DERA: variants seen among roughly 807,000 people sequenced by gnomAD.
DERA encodes 2-deoxy-D-ribose 5-phosphate aldolase.
Under a neutral mutation model 41.1 loss-of-function variants are expected in DERA, and 15 were observed. The ratio of observed to expected loss-of-function variants is 0.37; its 90% CI spans 0.24 to 0.56. The LOEUF (loss-of-function observed/expected upper bound fraction) is 0.56, where lower values mean the gene tolerates loss of function less well. Among genes scored for constraint, DERA ranks in the 20% least tolerant of loss-of-function variants. The probability of loss-of-function intolerance (pLI) is 0.81; values close to 1 mark genes in which losing one functional copy is unlikely to be tolerated. For synonymous variants in DERA, 139 were observed against 137.4 expected (o/e 1.01, Z -0.08); for missense variants, 396 against 403.4 (o/e 0.98, Z 0.16).
At chr12:15,937,447 T>A (rs764848811) in intron 1 of DERA, among the ~76,000 whole-genome samples, 8 of 152,200 alleles carry the variant, frequency 5.3e-5, no homozygotes, top group Non-Finnish European at 8.8e-5. Flanking sequence ...TATAGCCACA[T>A]CCGCCAGTAG....
rs1948926297 is a variant in DERA at position 16,008,314 on chromosome 12, T to C, written c.638-24228T>C. ...CTTTTCCTAATATTTCCTAATAGCT[T>C]TCTCAAATCTCTCCTGCCTTGGTCC... On this transcript the variant is annotated intron_variant, in intron 6 of 8. Transcript: ENST00000428559. This position sits in a 1 kb window ranked among gnomAD's most constrained non-coding sequence, Gnocchi z 4.8. Among the ~76,000 whole-genome samples, 1 of 152,224 alleles carries C rather than the reference T, an allele frequency of 6.6e-6. No homozygotes were observed. The highest frequency in any genetic ancestry group is 2.4e-5 in the African/African-American group (1 of 41,460).
chr12:15,982,552 C>A lies in DERA; in HGVS notation c.637+116C>A. 1.9e-6 allele frequency: 2 copies of A among 1,042,566 alleles called. No homozygotes were observed. The highest frequency in any genetic ancestry group is 2.7e-6 in the Non-Finnish European group (2 of 730,912). 64.6% of individuals were successfully genotyped at this position (1,042,566 alleles called of 1,614,324 possible). On this transcript the variant is annotated intron_variant, in intron 6 of 8. Coordinates refer to ENST00000428559, the MANE Select transcript of DERA (RefSeq NM_015954.4). The surrounding 1 kb of genome is among the most constrained non-coding windows in gnomAD (Gnocchi z 4.0). ...GTGCTAACCACTTGGAATTTTTTTG[C>A]GGGAGGAATCGGATATTTTGTAAAA...
At position 16,011,250 on chromosome 12, in the gene DERA, T is replaced by C. The variant is rs1223260042; in HGVS notation, c.638-21292T>C. 1.3e-5 allele frequency among the ~76,000 whole-genome samples: 2 copies of C among 152,234 alleles called. No individual in the cohort carries two copies. Among genetic ancestry groups the C allele is most frequent in the Non-Finnish European group, 2.9e-5 (2 of 68,028 alleles). On this transcript the variant is annotated intron_variant, in intron 6 of 8. Coordinates refer to ENST00000428559, the MANE Select transcript of DERA (RefSeq NM_015954.4). This position sits in a 1 kb window ranked among gnomAD's most constrained non-coding sequence, Gnocchi z 4.7. ...CTGGCTTATTTTGTTAAAATGTTTCTTCATTTTACTCATCTTTGCCAAAGC... is the reference window on the plus strand; with the variant it reads ...CTGGCTTATTTTGTTAAAATGTTTCCTCATTTTACTCATCTTTGCCAAAGC...
rs982083844 is a variant in DERA at position 15,918,734 on chromosome 12, A to G, written c.31+7320A>G. ...GGCAACTAAGGGAGATGTTTATGTA[A>G]ATCACCACATACGGCATGTTAAAAC... On this transcript the variant is annotated intron_variant, in intron 1 of 8. Coordinates refer to ENST00000428559, the MANE Select transcript of DERA (RefSeq NM_015954.4). This position sits in a 1 kb window ranked among gnomAD's most constrained non-coding sequence, Gnocchi z 4.3. 6.6e-6 allele frequency among the ~76,000 whole-genome samples: 1 copy of G among 152,118 alleles called. No homozygotes were observed. Among genetic ancestry groups the G allele is most frequent in the Non-Finnish European group, 1.5e-5 (1 of 68,022 alleles).
In DERA at chr12:15,943,563, T is replaced by G. The variant is rs10772882; in HGVS notation, c.32-13373T>G. ...TGTTGGCCATGGCTCACCATATGCA[T>G]TGTATTTTATATTGCCACACAGTAC... On this transcript the variant is annotated intron_variant, in intron 1 of 8. Coordinates refer to ENST00000428559, the MANE Select transcript of DERA (RefSeq NM_015954.4). This position sits in a 1 kb window ranked among gnomAD's most constrained non-coding sequence, Gnocchi z 4.5. Among the ~76,000 whole-genome samples the G allele has an allele frequency of 0.3, 45,257 of 151,968 alleles. 7,571 individuals carry two copies. Among genetic ancestry groups the G allele is most frequent in the African/African-American group, 0.43 (17,861 of 41,416 alleles).
intron 1 of DERA, among the ~76,000 whole-genome samples, chr12:15,942,623 G>A (rs907984399): frequency 6.6e-6 from 1 of 152,142 alleles, no homozygotes; most frequent in Non-Finnish European, 1.5e-5. Flanking sequence ...GAGTAGCCAC[G>A]AATATTCTGA....
At chr12:16,016,445 G>A (rs1183633533) in intron 6 of DERA, among the ~76,000 whole-genome samples, 2 of 152,130 alleles carry the variant, frequency 1.3e-5, no homozygotes, top group Non-Finnish European at 2.9e-5. Context: ...GTAAACACTT[G>A]AATTAAATAA....
chr12:15,977,366 G>A (rs1242128523), intron 5 of DERA, among the ~76,000 whole-genome samples: 3 of 152,172 alleles, frequency 2.0e-5, no homozygotes, highest in Non-Finnish European at 4.4e-5. Flanking sequence ...TTTATTCCAC[G>A]TATGAAGACA....
intron 5 of DERA, among the ~76,000 whole-genome samples, chr12:15,971,094 A>G (rs1479544715): frequency 6.6e-6 from 1 of 152,214 alleles, no homozygotes; most frequent in Non-Finnish European, 1.5e-5. Context: ...GGTTGTGACA[A>G]TTCTCCAGAG....
rs963861324 is a variant in DERA at position 15,940,884 on chromosome 12, AATAG to A, written c.32-16036_32-16033del. 6.6e-5 allele frequency among the ~76,000 whole-genome samples: 10 copies of A among 152,274 alleles called. No homozygotes were observed. The highest frequency in any genetic ancestry group is 1.4e-4 in the African/African-American group (6 of 41,552). ...AGGTCATCCTGGAGTCTGATATATA[AATAG>A]ATAGATAGATAGATATCTTTGGTTT... On this transcript the variant is annotated intron_variant, in intron 1 of 8. Coordinates refer to ENST00000428559, the MANE Select transcript of DERA (RefSeq NM_015954.4). This position sits in a 1 kb window ranked among gnomAD's most constrained non-coding sequence, Gnocchi z 5.1.
chr12:15,971,844 G>A, intron 5 of DERA: 2 of 280,692 alleles, frequency 7.1e-6, no homozygotes, highest in South Asian at 8.4e-5. Context: ...AGATAATTCA[G>A]GAACCATTGC....
At chr12:15,960,615 T>C (rs1284740961) in intron 4 of DERA, among the ~76,000 whole-genome samples, 5 of 110,688 alleles carry the variant, frequency 4.5e-5, no homozygotes, top group Non-Finnish European at 6.6e-5. Flanking sequence ...CCAGCTTGGG[T>C]GATAGACCAA....
At position 15,943,710 on chromosome 12, in the gene DERA, T is replaced by TTTATTTAG. The variant is rs1388617528; in HGVS notation, c.32-13219_32-13218insGTTATTTA. On this transcript the variant is annotated intron_variant, in intron 1 of 8. Transcript: ENST00000428559. The surrounding 1 kb of genome is among the most constrained non-coding windows in gnomAD (Gnocchi z 4.5). ...CTTCTTTTTTATTTTTTAATTTTTA[T>TTTATTTAG]TTATTTATTTATTTATTTATTTATT... is the stretch of plus-strand genomic sequence containing the variant. Among the ~76,000 whole-genome samples, 1 of 133,734 alleles carries TTTATTTAG rather than the reference T, an allele frequency of 7.5e-6. No individual in the cohort carries two copies. The highest frequency in any genetic ancestry group is 1.6e-5 in the Non-Finnish European group (1 of 64,014). The allele number at this position is 133,734 out of a possible 152,430, so 87.7% of individuals were successfully genotyped here.
chr12:16,006,523 T>C (rs182642536), intron 6 of DERA, among the ~76,000 whole-genome samples: 1 of 152,324 alleles, frequency 6.6e-6, no homozygotes, highest in African/African-American at 2.4e-5. Flanking sequence ...TCTCCACACT[T>C]GGCCCCTCCA....
chr12:15,951,858 T>C (rs773356580), intron 1 of DERA, among the ~76,000 whole-genome samples: 15 of 152,238 alleles, frequency 9.9e-5, no homozygotes, highest in Non-Finnish European at 2.1e-4. Flanking sequence ...TAATGTATCA[T>C]AATCAGTTTT....
At position 15,941,684 on chromosome 12, in the gene DERA, G is replaced by A. The variant is rs577901606; in HGVS notation, c.32-15252G>A. Among the ~76,000 whole-genome samples, 69 of 152,224 alleles carry A rather than the reference G, an allele frequency of 4.5e-4. No homozygotes were observed. The highest frequency in any genetic ancestry group is 1.0e-3 in the South Asian group (5 of 4,828). ...AACTGTGGCCTCCAGCTCCACCCAA[G>A]TTGCTGCAAAAGACATTATTTCGTT... On this transcript the variant is annotated intron_variant, in intron 1 of 8. Transcript: ENST00000428559. This position sits in a 1 kb window ranked among gnomAD's most constrained non-coding sequence, Gnocchi z 4.5.
At chr12:15,951,712 A>G (rs1948498954) in intron 1 of DERA, among the ~76,000 whole-genome samples, 2 of 152,202 alleles carry the variant, frequency 1.3e-5, no homozygotes, top group African/African-American at 4.8e-5. Context: ...GAAGAAAAAC[A>G]CTTCTATCAA....
intron 1 of DERA, among the ~76,000 whole-genome samples, chr12:15,912,214 TGACTCTTA>T (rs1015723124): frequency 9.9e-5 from 15 of 151,982 alleles, no homozygotes; most frequent in Non-Finnish European, 2.1e-4. Flanking sequence ...GGAGTGGTGA[TGACTCTTA>T]ACGAGCATGC....
At chr12:15,939,962 G>T (rs1265757270) in intron 1 of DERA, among the ~76,000 whole-genome samples, 1 of 152,182 alleles carries the variant, frequency 6.6e-6, no homozygotes, top group Non-Finnish European at 1.5e-5. Flanking sequence ...ATATTTGGAT[G>T]AAATTATGAA....
Sources: allele counts gnomAD v4.1 joint callset (sites outside exome capture counted in the v4.1 genomes callset), GRCh38; gene constraint gnomAD v4.1.1; non-coding constraint Gnocchi (gnomAD v3.1); transcripts MANE v1.5; gene names NCBI Gene and HGNC (gene_info 2026-07-23, HGNC 2026-07-21).